Variants in ANKRD53 observed in about 807,000 individuals in gnomAD.
ANKRD53 encodes ankyrin repeat domain-containing protein 53.
ANKRD53 carries 27 observed loss-of-function variants against 30.1 expected under a neutral mutation model. The observed-to-expected ratio is 0.90, with a 90% CI of 0.66 to 1.24. The LOEUF is 1.24. Ranked by LOEUF, ANKRD53 falls within the 50% of genes most tolerant of loss-of-function variation. The pLI is 0.00. For synonymous variants in ANKRD53, 286 were observed against 295.4 expected, an observed-to-expected ratio of 0.97 and a Z score of 0.33; for missense variants, 682 against 721.0, an observed-to-expected ratio of 0.95 and a Z score of 0.62.
Position 70,981,484 on chromosome 2 carries a change from G to A in ANKRD53, c.618-452G>A, listed in dbSNP as rs530845676. On this transcript the variant is annotated intron_variant, in intron 3 of 5. Coordinates refer to ENST00000360589, the MANE Select transcript of ANKRD53 (RefSeq NM_001115116.2). ...GTGAGCCAGCCATGCAAAGAGCCAG[G>A]GAAAAGTGTTCCAGGTAGAGGTAAC... Among the ~76,000 whole-genome samples the A allele has an allele frequency of 1.4e-4, 21 of 152,266 alleles. No individual in the cohort carries two copies. In the East Asian group the frequency reaches 3.7e-3, roughly 27 times the overall value.
intron 3 of ANKRD53, 140 bp from the exon 4 acceptor site, chr2:70,981,796 A>G: frequency 1.1e-6 from 1 of 903,396 alleles, no homozygotes; most frequent in Non-Finnish European, 1.6e-6. Context: ...GAGGTGCCAA[A>G]AGGGACAGAC....
chr2:70,985,166 C>G lies in ANKRD53; in HGVS notation c.1459C>G (p.His487Asp). 6.4e-7 allele frequency: 1 copy of G among 1,551,112 alleles called. No homozygotes were observed. Among genetic ancestry groups the G allele is most frequent in the Non-Finnish European group, 8.7e-7 (1 of 1,146,824 alleles). Residue 487 changes from histidine (H) to aspartate (D), a missense_variant, in exon 6 of 6, where the codon CAC becomes GAC. Physicochemically the swap from His to Asp is moderately conservative, Grantham distance 81. Transcript: ENST00000360589. ...CATGAGGGAAGTGCCCAGGAAGCGG[C>G]ACCTGGGTGACAACACCTTCTGGAC... ...ISMREVPRKR[H>D]LGDNTFWTDT...
At chr2:70,984,386 A>T (rs1670107244) in intron 5 of ANKRD53, 2 of 1,566,792 alleles carry the variant, frequency 1.3e-6, no homozygotes, top group Non-Finnish European at 8.6e-7. Context: ...CTCCCCACTC[A>T]GCCCAGGGGC....
intron 5 of ANKRD53, among the ~76,000 whole-genome samples, chr2:70,983,007 T>G: frequency 6.6e-6 from 1 of 152,254 alleles, no homozygotes; most frequent in Admixed American, 6.5e-5. Flanking sequence ...ACCAAGGCAC[T>G]GCCTGTAACT....
In ANKRD53 at chr2:70,981,943, T is replaced by C. The variant is rs1553423668; in HGVS notation, c.625T>C (p.Cys209Arg). ...TGGTGGGGCCTTCCACAGTCAGACA[T>C]GCAACGGCTCCACGCCCCTGCACCT... Reference protein sequence around the residue: ...EKGADLNAQTCNGSTPLHLAA... With the variant: ...EKGADLNAQTRNGSTPLHLAA... Residue 209 changes from cysteine (C) to arginine (R), a missense_variant, in exon 4 of 6, where the codon TGC (cysteine) becomes CGC (arginine). Physicochemically the swap from Cys to Arg is radical, Grantham distance 180. Coordinates refer to ENST00000360589, the MANE Select transcript of ANKRD53 (RefSeq NM_001115116.2). 6.3e-7 allele frequency: 1 copy of C among 1,584,068 alleles called. No homozygotes were observed. Among genetic ancestry groups the C allele is most frequent in the East Asian group, 2.3e-5 (1 of 43,730 alleles).
chr2:70,984,040 C>T, intron 5 of ANKRD53: 1 of 1,342,608 alleles, frequency 7.4e-7, no homozygotes, highest in Non-Finnish European at 1.1e-6. Context: ...CTGTATCCTC[C>T]CTACATGACT....
At position 70,985,489 on chromosome 2, in the gene ANKRD53, G is replaced by GC. The variant is rs1572939080; in HGVS notation, c.*190dup. On this transcript the variant is annotated 3_prime_UTR_variant, in exon 6 of 6. Coordinates refer to ENST00000360589, the MANE Select transcript of ANKRD53 (RefSeq NM_001115116.2). ...CTTTTCTCTGCAAATAAATCTCTTGGCACCCCCCCACCGCCGCCAGGAAAT... is the reference window on the plus strand; with the variant it reads ...CTTTTCTCTGCAAATAAATCTCTTGGCCACCCCCCCACCGCCGCCAGGAAAT... 1.8e-6 allele frequency: 1 copy of GC among 566,200 alleles called. No homozygotes were observed. Among genetic ancestry groups the GC allele is most frequent in the Admixed American group, 3.8e-5 (1 of 26,214 alleles). The allele number at this position is 566,200 out of a possible 1,614,324, so 35.1% of individuals were successfully genotyped here.
chr2:70,983,164 G>A (rs980884292), intron 5 of ANKRD53, among the ~76,000 whole-genome samples: 2 of 152,228 alleles, frequency 1.3e-5, no homozygotes, highest in Non-Finnish European at 2.9e-5. Context: ...TCTAGCAGAG[G>A]AGGCAGGTTA....
rs1553422853 is a variant in ANKRD53, at chr2:70,978,787, T to C, written c.142T>C (p.Trp48Arg). The change falls in exon 1 of 6, where the codon TGG becomes CGG. Residue 48 changes from tryptophan (W) to arginine (R), a missense_variant. By Grantham distance (101) the Trp-to-Arg change is moderately radical. Coordinates refer to ENST00000360589, the MANE Select transcript of ANKRD53 (RefSeq NM_001115116.2). The surrounding 1 kb of genome is among the most constrained non-coding windows in gnomAD (Gnocchi z 4.3). Reference sequence around the variant, plus strand: ...GAACAAAGTCTCCTTGAAGGCCACCTGGACTGACGCGGAGTCCAAGCAGCC... The same window carrying C: ...GAACAAAGTCTCCTTGAAGGCCACCCGGACTGACGCGGAGTCCAAGCAGCC... The part of the protein sequence containing the change: ...QANKVSLKAT[W>R]TDAESKQPSQ... 1.9e-6 allele frequency: 3 copies of C among 1,571,974 alleles called. No homozygotes were observed. The highest frequency in any genetic ancestry group is 2.6e-6 in the Non-Finnish European group (3 of 1,159,740).
Position 70,979,306 on chromosome 2 carries a change from T to C in ANKRD53, c.380T>C (p.Leu127Pro), listed in dbSNP as rs575192264. ...AACGTGGAATGGCTGCGATTCTGTC[T>C]GAACCAGAGCCTCAGGGAAATCCCC... ...VGNVEWLRFC[L>P]NQSLREIPTD... Residue 127 changes from leucine to proline, a missense_variant, in exon 2 of 6, where the codon CTG (leucine) becomes CCG (proline). By Grantham distance (98) the Leu-to-Pro change is moderately conservative. Coordinates refer to ENST00000360589, the MANE Select transcript of ANKRD53 (RefSeq NM_001115116.2). 5 of 1,613,492 alleles carry C rather than the reference T, an allele frequency of 3.1e-6. No homozygotes were observed. Among genetic ancestry groups the C allele is most frequent in the Non-Finnish European group, 4.2e-6 (5 of 1,180,044 alleles).
intron 3 of ANKRD53, among the ~76,000 whole-genome samples, chr2:70,980,729 A>T (rs1473969557): frequency 6.6e-6 from 1 of 152,210 alleles, no homozygotes; most frequent in East Asian, 1.9e-4. Context: ...GCGGATCACG[A>T]GGTCAGGAGA....
rs10196332 is a variant in ANKRD53, at chr2:70,984,261, G to A, written c.904-350G>A. The A allele has an allele frequency of 9.0e-3, 14,478 of 1,614,076 alleles. 1,099 individuals carry two copies. The African/African-American group carries it at 0.17, about 19-fold the overall frequency. ...GGAATTGTCTTTCTGTAAGACTTGA[G>A]GTTTTCCCTAGGGCAGGGACTGTGT... On this transcript the variant is annotated intron_variant, in intron 5 of 5. Coordinates refer to ENST00000360589, the MANE Select transcript of ANKRD53 (RefSeq NM_001115116.2).
At chr2:70,978,540 G>T, upstream of ANKRD53, 1 of 1,312,524 alleles carries the variant, frequency 7.6e-7, no homozygotes. The surrounding 1 kb of genome is among the most constrained non-coding windows in gnomAD (Gnocchi z 4.3). Context: ...CGGCCTGGAA[G>T]GGGCCGGGAA....
chr2:70,979,959 G>A, intron 3 of ANKRD53, 99 bp downstream of exon 3: 1 of 1,395,612 alleles, frequency 7.2e-7, no homozygotes, highest in East Asian at 2.4e-5. Flanking sequence ...CAGAGGGGTT[G>A]CTGGAGGTGA....
At position 70,978,681 on chromosome 2, in the gene ANKRD53, C is replaced by G; in HGVS notation, c.36C>G (p.Gly12=). 6.5e-7 allele frequency: 1 copy of G among 1,543,596 alleles called. No homozygotes were observed. Among genetic ancestry groups the G allele is most frequent in the Non-Finnish European group, 8.7e-7 (1 of 1,144,964 alleles). The change falls in exon 1 of 6, where the codon GGC becomes GGG. Residue 12 remains glycine (G), a synonymous_variant. Transcript: ENST00000360589. This position sits in a 1 kb window ranked among gnomAD's most constrained non-coding sequence, Gnocchi z 4.3. ...CGGGCAGCACCGCTCGGCGGGCGGG[C>G]TCCGGAAGCTGGCACTCAGAAAGGG... is the stretch of plus-strand genomic sequence containing the variant. ...ASAGSTARRA[G]SGSWHSERGE... is the part of the protein sequence containing the mutation.
rs782350966 is a variant in ANKRD53, at chr2:70,982,020, C to A, written c.702C>A (p.Gly234=). The A allele has an allele frequency of 1.2e-6, 2 of 1,613,654 alleles. No individual in the cohort carries two copies. Among genetic ancestry groups the A allele is most frequent in the Non-Finnish European group, 1.7e-6 (2 of 1,179,782 alleles). The change falls in exon 4 of 6, where the codon GGC becomes GGA. Residue 234 remains glycine, a synonymous_variant. Transcript: ENST00000360589. This position sits in a 1 kb window ranked among gnomAD's most constrained non-coding sequence, Gnocchi z 4.2. ...GTGTGAAGGTCCTGGTGCAGAGTGG[C>A]GCCAACGTCCATGCCCAAGATGCCA... ...LDCVKVLVQS[G]ANVHAQDAMG...
chr2:70,981,356 C>T (rs1250272834), intron 3 of ANKRD53, among the ~76,000 whole-genome samples: 1 of 151,404 alleles, frequency 6.6e-6, no homozygotes, highest in South Asian at 2.1e-4. Flanking sequence ...AAAAAATAAA[C>T]GGGGTGATGG....
Position 70,982,421 on chromosome 2 carries a change from A to G in ANKRD53, c.783-156A>G. 1.9e-6 allele frequency: 2 copies of G among 1,066,984 alleles called. No individual in the cohort carries two copies. Among genetic ancestry groups the G allele is most frequent in the Non-Finnish European group, 2.7e-6 (2 of 749,022 alleles). The allele number at this position is 1,066,984 out of a possible 1,614,324, so 66.1% of individuals were successfully genotyped here. A position where few individuals can be genotyped will look rare whatever the true frequency, so the allele number is the denominator to read the frequency against. On this transcript the variant is annotated intron_variant, in intron 4 of 5. Transcript: ENST00000360589. The surrounding 1 kb of genome is among the most constrained non-coding windows in gnomAD (Gnocchi z 4.2). Reference sequence around the variant, plus strand: ...TTTCACCTAAAGGAAGTAGGGAGCCAGAGGGCCCCGGGCAATGGGGATGGC... The same window carrying G: ...TTTCACCTAAAGGAAGTAGGGAGCCGGAGGGCCCCGGGCAATGGGGATGGC...
At position 70,978,880 on chromosome 2, in the gene ANKRD53, G is replaced by A; in HGVS notation, c.170+65G>A. ...GAACCCGGCCCAGCGCCTCCCTGGTGGGCAGGGCCTGGAGCGGGCGGGGGC... is the reference window on the plus strand; with the variant it reads ...GAACCCGGCCCAGCGCCTCCCTGGTAGGCAGGGCCTGGAGCGGGCGGGGGC... On this transcript the variant is annotated intron_variant, in intron 1 of 5. Coordinates refer to ENST00000360589, the MANE Select transcript of ANKRD53 (RefSeq NM_001115116.2). This position sits in a 1 kb window ranked among gnomAD's most constrained non-coding sequence, Gnocchi z 4.3. 2 of 1,517,140 alleles carry A rather than the reference G, an allele frequency of 1.3e-6. No homozygotes were observed. The highest frequency in any genetic ancestry group is 1.8e-6 in the Non-Finnish European group (2 of 1,130,796). The allele number at this position is 1,517,140 out of a possible 1,614,324, so 94.0% of individuals were successfully genotyped here. A position where few individuals can be genotyped will look rare whatever the true frequency, so the allele number is the denominator to read the frequency against.
Sources: gnomAD v4.1 joint callset for allele counts (sites outside exome capture counted in the v4.1 genomes callset) on GRCh38, gnomAD v4.1.1 for gene constraint, Gnocchi (gnomAD v3.1) non-coding constraint, MANE v1.5 for transcripts, NCBI Gene and HGNC (gene_info 2026-07-23, HGNC 2026-07-21) for gene names.